FBN2: variants seen among roughly 807,000 people sequenced by gnomAD.
FBN2 encodes the protein fibrillin 2.
Under a neutral mutation model 355.6 loss-of-function variants are expected in FBN2, and 105 were observed. The observed-to-expected ratio is 0.30, with a 90% CI of 0.25 to 0.35. The LOEUF is 0.35. FBN2 is among the 10% of genes least tolerant of loss of function. The probability of loss-of-function intolerance (pLI) is 1.00; values close to 1 mark genes in which losing one functional copy is unlikely to be tolerated. For missense variants in FBN2, 3,280 were observed against 3,758.7 expected, an observed-to-expected ratio of 0.87 and a Z score of 3.33; for synonymous variants, 1,350 against 1,301.2, an observed-to-expected ratio of 1.04 and a Z score of -0.81.
intron 20 of FBN2, among the ~76,000 whole-genome samples, chr5:128,351,982 C>T (rs895094586): frequency 1.3e-5 from 2 of 151,866 alleles, no homozygotes; most frequent in South Asian, 2.1e-4. Flanking sequence ...AAGATTTTAT[C>T]GTATAAAATC....
chr5:128,432,958 A>T (rs1753664287), intron 7 of FBN2, among the ~76,000 whole-genome samples: 2 of 152,090 alleles, frequency 1.3e-5, no homozygotes, highest in Non-Finnish European at 2.9e-5. Context: ...AAGAGCAGGG[A>T]AAACTGCCTT....
In FBN2 at chr5:128,374,613, A is replaced by C. The variant is rs754623119; in HGVS notation, c.2095+15T>G. ...CATTTTGCACAGTGGGGCCATTATA[A>C]AATGTTTCACTTACCAACACACACA... On this transcript the variant is annotated intron_variant, in intron 15 of 64. Coordinates refer to ENST00000262464, the MANE Select transcript of FBN2 (RefSeq NM_001999.4). 1 of 1,613,808 alleles carries C rather than the reference A, an allele frequency of 6.2e-7. No individual in the cohort carries two copies. Among genetic ancestry groups the C allele is most frequent in the Non-Finnish European group, 8.5e-7 (1 of 1,179,798 alleles).
At chr5:128,361,169 T>C (rs1201201466) in intron 19 of FBN2, among the ~76,000 whole-genome samples, 1 of 152,222 alleles carries the variant, frequency 6.6e-6, no homozygotes, top group East Asian at 1.9e-4. Flanking sequence ...TTTTAAACAC[T>C]AGTTATGGTC....
intron 34 of FBN2, among the ~76,000 whole-genome samples, chr5:128,325,172 T>C (rs1050473871): frequency 5.3e-5 from 8 of 152,212 alleles, no homozygotes; most frequent in African/African-American, 1.7e-4. Context: ...CTTTATTTTC[T>C]GTCTCGTTGA....
chr5:128,537,253 A>C (rs1756875831), intron 1 of FBN2, 97 bp downstream of exon 1: 1 of 1,547,892 alleles, frequency 6.5e-7, no homozygotes. Context: ...GCTCCAGCTA[A>C]AGGGTCTGGG....
Position 128,263,537 on chromosome 5 carries a change from G to T in FBN2, c.8080C>A (p.His2694Asn), listed in dbSNP as rs1387382061. ...GAGGACGAGCACTCATTCACGTCGT[G>T]GCAGGCACTGGAGAACTGGTCGAAG... ...FSFDQFSSAC[H>N]DVNECSSSKN... Residue 2694 changes from histidine (H) to asparagine (N), a missense_variant, in exon 63 of 65, where the codon CAC becomes AAC. This residue lies in a region of FBN2 where 311 missense variants were observed against 319.1 expected (regional missense o/e 0.97). Coordinates refer to ENST00000262464, the MANE Select transcript of FBN2 (RefSeq NM_001999.4). 6.2e-7 allele frequency: 1 copy of T among 1,614,120 alleles called. No homozygotes were observed. Among genetic ancestry groups the T allele is most frequent in the Non-Finnish European group, 8.5e-7 (1 of 1,179,998 alleles).
chr5:128,453,155 C>T (rs1754297730), intron 6 of FBN2, among the ~76,000 whole-genome samples: 1 of 152,090 alleles, frequency 6.6e-6, no homozygotes, highest in South Asian at 2.1e-4. Context: ...AAATGATCAT[C>T]AAAACAAGTA....
chr5:128,374,642 C>T lies in FBN2; in HGVS notation c.2081G>A (p.Gly694Glu), dbSNP rs1306478428. ...GTTTCACTTACCAACACACACACGT[C>T]CATCCATGCCCACAGCCAGGCCTGG... Reference protein sequence around the residue: ...CPPGLAVGMDGRVCVDTHMRS... With the variant: ...CPPGLAVGMDERVCVDTHMRS... The change falls in exon 15 of 65, where the codon GGA becomes GAA. Residue 694 changes from glycine to glutamate, a missense_variant. Coordinates refer to ENST00000262464, the MANE Select transcript of FBN2 (RefSeq NM_001999.4). 1 of 1,613,968 alleles carries T rather than the reference C, an allele frequency of 6.2e-7. No homozygotes were observed.
chr5:128,296,689 T>C (rs1295735385), intron 48 of FBN2, among the ~76,000 whole-genome samples: 1 of 152,228 alleles, frequency 6.6e-6, no homozygotes, highest in Non-Finnish European at 1.5e-5. Context: ...TGATATCCCC[T>C]TTATCATTTT....
At chr5:128,448,171 T>C (rs1399982040) in intron 6 of FBN2, among the ~76,000 whole-genome samples, 2 of 152,118 alleles carry the variant, frequency 1.3e-5, no homozygotes, top group East Asian at 3.9e-4. Flanking sequence ...GAATAAATAG[T>C]GTCCAGTGGT....
intron 14 of FBN2, among the ~76,000 whole-genome samples, chr5:128,376,033 C>G (rs1038689742): frequency 1.3e-5 from 2 of 152,030 alleles, no homozygotes; most frequent in African/African-American, 2.4e-5. Context: ...AAAAACCTAT[C>G]TCAAAAATAA....
intron 19 of FBN2, among the ~76,000 whole-genome samples, chr5:128,359,727 G>T (rs1435808326): frequency 6.6e-6 from 1 of 152,034 alleles, no homozygotes; most frequent in Non-Finnish European, 1.5e-5. Context: ...ACTGTTGCCT[G>T]ATTTGGTATG....
intron 11 of FBN2, among the ~76,000 whole-genome samples, chr5:128,385,377 G>A (rs1461439823): frequency 6.6e-6 from 1 of 152,106 alleles, no homozygotes; most frequent in Non-Finnish European, 1.5e-5. Flanking sequence ...TTGTTGCAAA[G>A]CACATGGTCT....
intron 8 of FBN2, among the ~76,000 whole-genome samples, chr5:128,407,169 C>CA (rs1399411065): frequency 1.8e-4 from 27 of 152,168 alleles, no homozygotes; most frequent in African/African-American, 6.5e-4. Flanking sequence ...AGTTCAGTGT[C>CA]ACAGTAGCAC....
chr5:128,504,813 G>T (rs780470129), intron 5 of FBN2, among the ~76,000 whole-genome samples: 2 of 152,202 alleles, frequency 1.3e-5, no homozygotes, highest in Non-Finnish European at 2.9e-5. Context: ...AGGCATGATT[G>T]TGTTTTGAAA....
intron 7 of FBN2, among the ~76,000 whole-genome samples, chr5:128,410,692 T>C (rs1031481426): frequency 1.6e-4 from 25 of 152,194 alleles, no homozygotes; most frequent in South Asian, 4.1e-4. Flanking sequence ...GACATTTTCT[T>C]TTTTTGGATA....
At chr5:128,398,310 T>C (rs1445661934) in intron 8 of FBN2, among the ~76,000 whole-genome samples, 4 of 151,748 alleles carry the variant, frequency 2.6e-5, no homozygotes. Context: ...AAGTAACCAG[T>C]ATATTTTTGA....
At chr5:128,329,099 C>T (rs1414848219) in intron 33 of FBN2, among the ~76,000 whole-genome samples, 1 of 152,188 alleles carries the variant, frequency 6.6e-6, no homozygotes, top group Non-Finnish European at 1.5e-5. Flanking sequence ...GCAGACATCT[C>T]TCACATTTGT....
At position 128,263,128 on chromosome 5, in the gene FBN2, CTGTT is replaced by C. The variant is rs533263220; in HGVS notation, c.8192+293_8192+296del. ...ACGTGTGAGCCGCATTTTTAAGCAT[CTGTT>C]TGTCTCTGGCCTTGGGTCAAATTGA... is the stretch of plus-strand genomic sequence containing the variant. On this transcript the variant is annotated intron_variant, in intron 63 of 64. Transcript: ENST00000262464. Among the ~76,000 whole-genome samples, 305 of 152,342 alleles carry C rather than the reference CTGTT, an allele frequency of 2.0e-3. 1 individual carries two copies. The highest frequency in any genetic ancestry group is 7.0e-3 in the African/African-American group (291 of 41,576).
Sources: gnomAD v4.1 joint callset for allele counts (sites outside exome capture counted in the v4.1 genomes callset) on GRCh38, gnomAD v4.1.1 for gene constraint, gnomAD v4.1.1 regional missense constraint, MANE v1.5 for transcripts, NCBI Gene and HGNC (gene_info 2026-07-23, HGNC 2026-07-21) for gene names.